FANCA: variants seen among roughly 807,000 people sequenced by gnomAD.
FANCA encodes the protein Fanconi anemia group A protein.
A neutral mutation model predicts 194.3 loss-of-function variants in FANCA; 236 were observed. The observed-to-expected ratio is 1.21, with a 90% CI of 1.09 to 1.35. FANCA has a LOEUF of 1.35. Ranked by LOEUF, FANCA falls within the 40% of genes most tolerant of loss-of-function variation. The pLI is 0.00. For synonymous variants in FANCA, 1,014 were observed against 715.8 expected, an observed-to-expected ratio of 1.42 and a Z score of -6.65; for missense variants, 2,628 against 1,813.9, an observed-to-expected ratio of 1.45 and a Z score of -8.15.
At chr16:89,744,809 A>C (rs2062207272) in intron 36 of FANCA, 150 bp downstream of exon 36, 1 of 750,878 alleles carries the variant, frequency 1.3e-6, no homozygotes, top group East Asian at 2.7e-5. Context: ...GGCGCCCACC[A>C]CCACGAGAAC....
Position 89,808,293 on chromosome 16 carries a change from C to T in FANCA, c.596+1G>A. The T allele has an allele frequency of 6.2e-7, 1 of 1,613,918 alleles. No homozygotes were observed. Among genetic ancestry groups the T allele is most frequent in the Non-Finnish European group, 8.5e-7 (1 of 1,179,816 alleles). ...ACACTGAATCATCATTAGCACGCTACCTTTCCAGCAGCTCTTGCAGGCTCA... is the reference window on the plus strand; with the variant it reads ...ACACTGAATCATCATTAGCACGCTATCTTTCCAGCAGCTCTTGCAGGCTCA... On this transcript the variant is annotated splice_donor_variant, in intron 6 of 42. Coordinates refer to ENST00000389301, the MANE Select transcript of FANCA (RefSeq NM_000135.4). LOFTEE classifies it high-confidence loss of function.
intron 29 of FANCA, among the ~76,000 whole-genome samples, chr16:89,761,472 C>T (rs2038952515): frequency 6.8e-6 from 1 of 146,394 alleles, no homozygotes; most frequent in Non-Finnish European, 1.5e-5. Context: ...GGAAGCTTTA[C>T]TTTCGCTTTT....
intron 29 of FANCA, among the ~76,000 whole-genome samples, chr16:89,759,985 T>C (rs1182214094): frequency 2.0e-5 from 3 of 151,756 alleles, no homozygotes; most frequent in Non-Finnish European, 2.9e-5. Context: ...ACCCACGCTG[T>C]CCGGGACCGG....
At chr16:89,759,899 CCGGGACTGGGGTGCTCCACCCACGCTGTG>C (rs1238612379) in intron 29 of FANCA, among the ~76,000 whole-genome samples, 2 of 151,984 alleles carry the variant, frequency 1.3e-5, no homozygotes, top group African/African-American at 4.8e-5. Flanking sequence ...CTCACACTGT[CCGGGACTGGGGTGCTCCACCCACGCTGTG>C]CGGGACCTGG....
At chr16:89,742,728 G>C in intron 37 of FANCA, 72 bp downstream of exon 37, 2 of 1,444,076 alleles carry the variant, frequency 1.4e-6, no homozygotes, top group Non-Finnish European at 1.9e-6. Flanking sequence ...CATCAGACAA[G>C]CCCAGAGAAA....
At chr16:89,813,289 T>G (rs2040973626) in intron 3 of FANCA, among the ~76,000 whole-genome samples, 1 of 151,440 alleles carries the variant, frequency 6.6e-6, no homozygotes, top group African/African-American at 2.4e-5. Context: ...ACACCTGTAG[T>G]CCCAGCTACT....
Position 89,783,063 on chromosome 16 carries a change from G to T in FANCA, c.1510C>A (p.Arg504Ser), listed in dbSNP as rs200291237. Residue 504 changes from arginine to serine, a missense_variant, in exon 16 of 43, where the codon CGC becomes AGC. Transcript: ENST00000389301. ...LHPPLVPGKY[R>S]SLLTDYISLA... ...GAGATGTAGTCTGTGAGGAGGGAGC[G>T]GTACTTGCCGGGAACCAGGGGTGGG... The T allele has an allele frequency of 2.5e-6, 4 of 1,613,914 alleles. No homozygotes were observed. The African/African-American group carries it at 4.0e-5, about 16-fold the overall frequency.
At chr16:89,804,069 T>TA (rs1157707582) in intron 7 of FANCA, among the ~76,000 whole-genome samples, 1 of 152,156 alleles carries the variant, frequency 6.6e-6, no homozygotes, top group Admixed American at 6.6e-5. Flanking sequence ...CTTAGCTTTT[T>TA]AAAAAATAAG....
In FANCA at chr16:89,738,142, C is replaced by T; in HGVS notation, c.*459G>A. The T allele has an allele frequency of 6.2e-7, 1 of 1,613,700 alleles. No individual in the cohort carries two copies. The highest frequency in any genetic ancestry group is 8.5e-7 in the Non-Finnish European group (1 of 1,180,014). The stretch of plus-strand genomic sequence containing the variant: ...CATGTCCATGGTGCACCCGCTGACA[C>T]AGACCCAGGACAAGGCCCTGCCCCT... On this transcript the variant is annotated 3_prime_UTR_variant, in exon 43 of 43. Transcript: ENST00000389301.
Position 89,752,186 on chromosome 16 carries a change from C to A in FANCA, c.3018G>T (p.Leu1006Phe), listed in dbSNP as rs1439833580. The part of the protein sequence containing the change: ...RSYDHSENSD[L>F]VFGGRTGNED... ...CATTTCCTGTGCGGCCACCAAAGACCAAATCAGAATTTTCTGAGTGGTCAT... is the reference window on the plus strand; with the variant it reads ...CATTTCCTGTGCGGCCACCAAAGACAAAATCAGAATTTTCTGAGTGGTCAT... The change falls in exon 31 of 43, where the codon TTG becomes TTT. Residue 1006 changes from leucine to phenylalanine, a missense_variant. Transcript: ENST00000389301. 1.9e-6 allele frequency: 3 copies of A among 1,614,122 alleles called. No homozygotes were observed. The highest frequency in any genetic ancestry group is 2.5e-6 in the Non-Finnish European group (3 of 1,180,026).
intron 22 of FANCA, 87 bp from the exon 23 acceptor site, chr16:89,771,901 G>A: frequency 1.3e-6 from 2 of 1,492,558 alleles, no homozygotes; most frequent in Non-Finnish European, 1.9e-6. Context: ...CTCCCGTCAA[G>A]TACGATTCCA....
intron 10 of FANCA, among the ~76,000 whole-genome samples, chr16:89,797,258 G>C (rs1342356079): frequency 1.3e-5 from 2 of 152,134 alleles, no homozygotes; most frequent in African/African-American, 4.8e-5. Flanking sequence ...TTGAACCCAG[G>C]AGGCATAGGT....
intron 17 of FANCA, among the ~76,000 whole-genome samples, chr16:89,781,135 C>T (rs1411753166): frequency 6.6e-6 from 1 of 152,048 alleles, no homozygotes. Context: ...GAGACCGAGG[C>T]AGACGGATCA....
At chr16:89,775,049 G>A (rs762722899) in intron 21 of FANCA, among the ~76,000 whole-genome samples, 3 of 151,404 alleles carry the variant, frequency 2.0e-5, no homozygotes, top group Non-Finnish European at 4.4e-5. Context: ...AGCCAAAATC[G>A]CGCCACTGCA....
chr16:89,768,854 G>A (rs1443076747), intron 26 of FANCA, among the ~76,000 whole-genome samples: 1 of 152,128 alleles, frequency 6.6e-6, no homozygotes, highest in African/African-American at 2.4e-5. Flanking sequence ...CCACCTGGAT[G>A]CCTCCCTCCT....
Position 89,755,912 on chromosome 16 carries a change from G to A in FANCA, c.2981+2665C>T, listed in dbSNP as rs116454119. ...CCCGCACACCTAGGCCACACGGCACGGCCCACCGCGCAGAAACAGACCAGA... is the reference window on the plus strand; with the variant it reads ...CCCGCACACCTAGGCCACACGGCACAGCCCACCGCGCAGAAACAGACCAGA... On this transcript the variant is annotated intron_variant, in intron 30 of 42. Coordinates refer to ENST00000389301, the MANE Select transcript of FANCA (RefSeq NM_000135.4). 1.5e-3 allele frequency among the ~76,000 whole-genome samples: 230 copies of A among 149,948 alleles called. 2 individuals carry two copies. Among genetic ancestry groups the A allele is most frequent in the African/African-American group, 5.3e-3 (214 of 40,718 alleles).
intron 30 of FANCA, 59 bp from the exon 31 acceptor site, chr16:89,752,281 A>G: frequency 7.2e-7 from 1 of 1,379,636 alleles, no homozygotes; most frequent in Non-Finnish European, 1.0e-6. Context: ...TGAAGTTCCC[A>G]GTTCTCCTCC....
intron 39 of FANCA, 171 bp downstream of exon 39, chr16:89,739,823 T>G (rs35696259): frequency 2.7e-6 from 4 of 1,471,640 alleles, no homozygotes; most frequent in Middle Eastern, 2.0e-4. Context: ...AGTGAGCCAG[T>G]AAATTATCTT....
intron 32 of FANCA, 142 bp from the exon 33 acceptor site, chr16:89,748,909 G>A (rs2038484333): frequency 1.4e-6 from 1 of 728,366 alleles, no homozygotes. Flanking sequence ...GTGTCCCTCT[G>A]TCCCATCCAA....
Sources: allele counts gnomAD v4.1 joint callset (sites outside exome capture counted in the v4.1 genomes callset), GRCh38; gene constraint gnomAD v4.1.1; transcripts MANE v1.5; gene names NCBI Gene and HGNC (gene_info 2026-07-23, HGNC 2026-07-21).